Variants in ARID2 observed in about 807,000 individuals in gnomAD.
ARID2 encodes the protein AT-rich interactive domain-containing protein 2.
ARID2 carries 32 observed loss-of-function variants against 184.6 expected under a neutral mutation model. That is an observed-to-expected ratio of 0.17 (90% CI 0.13 to 0.23). The LOEUF (loss-of-function observed/expected upper bound fraction) is 0.23, where lower values mean the gene tolerates loss of function less well. Among genes scored for constraint, ARID2 ranks in the 10% least tolerant of loss-of-function variants. The pLI is 1.00. For missense variants in ARID2, 1,696 were observed against 2,197.6 expected, an observed-to-expected ratio of 0.77 and a Z score of 4.56; for synonymous variants, 836 against 772.6, an observed-to-expected ratio of 1.08 and a Z score of -1.36.
intron 3 of ARID2, among the ~76,000 whole-genome samples, chr12:45,803,059 G>A (rs757391274): frequency 2.0e-5 from 3 of 151,532 alleles, no homozygotes; most frequent in Non-Finnish European, 2.9e-5. Flanking sequence ...GAATTAACAT[G>A]TTTTTCTGAA....
intron 3 of ARID2, among the ~76,000 whole-genome samples, chr12:45,808,619 A>G (rs1942643446): frequency 6.6e-6 from 1 of 152,076 alleles, no homozygotes; most frequent in Admixed American, 6.5e-5. Context: ...AGTTCACTCC[A>G]CATCTCTTAC....
chr12:45,753,943 A>T (rs1447374076), intron 3 of ARID2, among the ~76,000 whole-genome samples: 3 of 152,154 alleles, frequency 2.0e-5, no homozygotes, highest in African/African-American at 7.2e-5. Context: ...GACTTTTGCC[A>T]TTTTCAACAT....
At chr12:45,760,521 G>C (rs895395394) in intron 3 of ARID2, among the ~76,000 whole-genome samples, 1 of 150,478 alleles carries the variant, frequency 6.6e-6, no homozygotes, top group African/African-American at 2.4e-5. Flanking sequence ...TGTTTCTTTT[G>C]TGTTTTTTGT....
rs1228431676 is a variant in ARID2, at chr12:45,906,709, T to C, written c.*1631T>C. On this transcript the variant is annotated 3_prime_UTR_variant, in exon 21 of 21. Coordinates refer to ENST00000334344, the MANE Select transcript of ARID2 (RefSeq NM_152641.4). ...AGAGAGGTCCTTTACATGACAAATTTGCATGAAATAAGCAGATTAACCAAG... is the reference window on the plus strand; with the variant it reads ...AGAGAGGTCCTTTACATGACAAATTCGCATGAAATAAGCAGATTAACCAAG... 1 of 232,130 alleles carries C rather than the reference T, an allele frequency of 4.3e-6. No individual in the cohort carries two copies. Among genetic ancestry groups the C allele is most frequent in the Non-Finnish European group, 8.5e-6 (1 of 117,496 alleles). The allele number at this position is 232,130 out of a possible 1,614,324, so 14.4% of individuals were successfully genotyped here. A position where few individuals can be genotyped will look rare whatever the true frequency, so the allele number is the denominator to read the frequency against.
chr12:45,898,465 A>G (rs1944399670), intron 20 of ARID2, among the ~76,000 whole-genome samples: 1 of 152,238 alleles, frequency 6.6e-6, no homozygotes, highest in Non-Finnish European at 1.5e-5. Flanking sequence ...CACAATGGAA[A>G]AAAACTAAAA....
At chr12:45,904,806 A>G in intron 20 of ARID2, 128 bp from the exon 21 acceptor site, 2 of 880,390 alleles carry the variant, frequency 2.3e-6, no homozygotes, top group Non-Finnish European at 3.4e-6. Context: ...CTGCAATACT[A>G]TATTAACATT....
Position 45,851,774 on chromosome 12 carries a change from T to G in ARID2, c.3651T>G (p.Leu1217=), listed in dbSNP as rs773858324. Residue 1217 remains leucine (L), a synonymous_variant, in exon 15 of 21, where the codon CTT becomes CTG. Coordinates refer to ENST00000334344, the MANE Select transcript of ARID2 (RefSeq NM_152641.4). Reference sequence around the variant, plus strand: ...GAGTTGGACTTCCAGTACAAACGCTTCCAGCCACTCAAGCATCTCCTGCTG... The same window carrying G: ...GAGTTGGACTTCCAGTACAAACGCTGCCAGCCACTCAAGCATCTCCTGCTG... ...QTGVGLPVQT[L]PATQASPAGQ... is the part of the protein sequence containing the mutation. 4 of 1,612,952 alleles carry G rather than the reference T, an allele frequency of 2.5e-6. No homozygotes were observed. The East Asian group carries it at 8.9e-5, about 36-fold the overall frequency.
chr12:45,776,856 C>T (rs947965146), intron 3 of ARID2, among the ~76,000 whole-genome samples: 6 of 148,860 alleles, frequency 4.0e-5, no homozygotes, highest in Middle Eastern at 7.0e-3. Flanking sequence ...GATCTCGGCT[C>T]ACTGCAACCT....
chr12:45,843,626 A>G (rs1341797112), intron 11 of ARID2, among the ~76,000 whole-genome samples: 1 of 152,076 alleles, frequency 6.6e-6, no homozygotes, highest in Non-Finnish European at 1.5e-5. Flanking sequence ...TGAGATGCAG[A>G]TGCTGCAGTC....
At chr12:45,856,581 T>C (rs1417754730) in intron 15 of ARID2, among the ~76,000 whole-genome samples, 1 of 152,164 alleles carries the variant, frequency 6.6e-6, no homozygotes, top group East Asian at 1.9e-4. Flanking sequence ...ACTTGCAGAA[T>C]GCCCAGGGCT....
At chr12:45,776,781 CTTTTTTTTT>C (rs745431917) in intron 3 of ARID2, among the ~76,000 whole-genome samples, 1 of 112,458 alleles carries the variant, frequency 8.9e-6, no homozygotes, top group Non-Finnish European at 1.8e-5. Flanking sequence ...GAGATTCCGG[CTTTTTTTTT>C]TTTTTTTTTT....
chr12:45,786,113 A>G (rs190809698), intron 3 of ARID2, among the ~76,000 whole-genome samples: 12 of 152,328 alleles, frequency 7.9e-5, no homozygotes, highest in African/African-American at 2.9e-4. Flanking sequence ...TCTTTTATAT[A>G]CTGTGATTCA....
At chr12:45,793,504 A>T (rs1942331176) in intron 3 of ARID2, among the ~76,000 whole-genome samples, 1 of 151,720 alleles carries the variant, frequency 6.6e-6, no homozygotes, top group Admixed American at 6.6e-5. Flanking sequence ...TAATTGAAAG[A>T]CCTTAGAGTA....
chr12:45,839,221 C>A, intron 10 of ARID2, 108 bp from the exon 11 acceptor site: 1 of 1,062,438 alleles, frequency 9.4e-7, no homozygotes, highest in Non-Finnish European at 1.3e-6. Context: ...GATTCATGGA[C>A]TAGCATTTAT....
intron 3 of ARID2, among the ~76,000 whole-genome samples, chr12:45,754,535 G>T (rs557975514): frequency 1.6e-4 from 24 of 152,260 alleles, no homozygotes; most frequent in African/African-American, 5.3e-4. Context: ...CATTTTCCCT[G>T]TCTGGAATTC....
rs531451811 is a variant in ARID2 at position 45,784,010 on chromosome 12, A to G, written c.285-27408A>G. Among the ~76,000 whole-genome samples, 36 of 152,290 alleles carry G rather than the reference A, an allele frequency of 2.4e-4. 1 individual carries two copies. The South Asian group carries it at 7.5e-3, about 32-fold the overall frequency. ...AAGTTTTTATTTAATTTTGTTTAGAATCAGGGTCTCACTGTGTTGCCTGGG... is the reference window on the plus strand; with the variant it reads ...AAGTTTTTATTTAATTTTGTTTAGAGTCAGGGTCTCACTGTGTTGCCTGGG... On this transcript the variant is annotated intron_variant, in intron 3 of 20. Coordinates refer to ENST00000334344, the MANE Select transcript of ARID2 (RefSeq NM_152641.4).
chr12:45,762,333 G>GT (rs762398702), intron 3 of ARID2, among the ~76,000 whole-genome samples: 8 of 152,152 alleles, frequency 5.3e-5, no homozygotes, highest in Non-Finnish European at 1.2e-4. Context: ...GCTCTCTCCT[G>GT]TTTCTTAGGG....
At chr12:45,857,301 C>T (rs1157417964) in intron 15 of ARID2, among the ~76,000 whole-genome samples, 1 of 152,136 alleles carries the variant, frequency 6.6e-6, no homozygotes, top group Non-Finnish European at 1.5e-5. Context: ...AGTTACTCAA[C>T]CCATCAGAAA....
chr12:45,792,222 A>T (rs1342398005), intron 3 of ARID2, among the ~76,000 whole-genome samples: 1 of 152,160 alleles, frequency 6.6e-6, no homozygotes, highest in East Asian at 1.9e-4. Flanking sequence ...GCTTGTTCCC[A>T]CAAGTTTTGC....
Sources: allele counts gnomAD v4.1 joint callset (sites outside exome capture counted in the v4.1 genomes callset), GRCh38; gene constraint gnomAD v4.1.1; transcripts MANE v1.5; gene names NCBI Gene and HGNC (gene_info 2026-07-23, HGNC 2026-07-21).